ARL6IP4: variants seen among roughly 807,000 people sequenced by gnomAD.
The protein encoded by ARL6IP4 is ARF like GTPase 6 interacting protein 4.
Under a neutral mutation model 28.1 loss-of-function variants are expected in ARL6IP4, and 24 were observed. The ratio of observed to expected loss-of-function variants is 0.86; its 90% CI spans 0.62 to 1.20. The LOEUF is 1.20. Ranked by LOEUF, ARL6IP4 falls within the 50% of genes most tolerant of loss-of-function variation. The pLI is 0.00. For synonymous variants in ARL6IP4, 162 were observed against 122.3 expected, an observed-to-expected ratio of 1.32 and a Z score of -2.14; for missense variants, 343 against 302.4, an observed-to-expected ratio of 1.13 and a Z score of -1.00.
chr12:122,981,011 C>T, intron 1 of ARL6IP4, 118 bp from the exon 2 acceptor site: 2 of 1,409,832 alleles, frequency 1.4e-6, no homozygotes, highest in Non-Finnish European at 1.8e-6. Flanking sequence ...GCTCATTTTC[C>T]CGGGACGGTG....
rs1057011374 is a variant in ARL6IP4, at chr12:122,981,943, G to A, written c.470-14G>A. On this transcript the variant is annotated splice_polypyrimidine_tract_variant and intron_variant, in intron 3 of 5. Coordinates refer to ENST00000315580, the MANE Select transcript of ARL6IP4 (RefSeq NM_018694.4). ...TTCCCAAGGCCTGGCCACCACCTCC[G>A]TCTTCCCTTCCAGTCCTGACGGATG... 11 of 1,613,534 alleles carry A rather than the reference G, an allele frequency of 6.8e-6. No individual in the cohort carries two copies. Among genetic ancestry groups the A allele is most frequent in the South Asian group, 6.6e-5 (6 of 91,090 alleles).
rs1452940731 is a variant in ARL6IP4, at chr12:122,981,760, AGAGGAAGAAGCT to A, written c.353_364del (p.Arg118_Leu121del). The A allele has an allele frequency of 6.4e-7, 1 of 1,562,154 alleles. No individual in the cohort carries two copies. The highest frequency in any genetic ancestry group is 8.7e-7 in the Non-Finnish European group (1 of 1,153,156). ...GACAAGAGGAGGAAGAAGAAGAAGA[AGAGGAAGAAGCT>A]GAAGAAGAAGGGCAAGGAGAAGGCG... On this transcript the variant is annotated inframe_deletion, in exon 3 of 6. Transcript: ENST00000315580.
chr12:122,981,052 C>G lies in ARL6IP4; in HGVS notation c.-11-77C>G. ...TACTGGGCGTCGCCAGGCCCCGGCC[C>G]CGCTAGAGCCACCCTTGGAGCCCGC... is the stretch of plus-strand genomic sequence containing the variant. On this transcript the variant is annotated intron_variant, in intron 1 of 5. Coordinates refer to ENST00000315580, the MANE Select transcript of ARL6IP4 (RefSeq NM_018694.4). 7 of 1,458,526 alleles carry G rather than the reference C, an allele frequency of 4.8e-6. No individual in the cohort carries two copies. In the South Asian group the frequency reaches 8.4e-5, roughly 18 times the overall value. 90.3% of individuals were successfully genotyped at this position (1,458,526 alleles called of 1,614,324 possible). A position where few individuals can be genotyped will look rare whatever the true frequency, so the allele number is the denominator to read the frequency against.
In ARL6IP4 at chr12:122,981,843, T is replaced by A. The variant is rs1400700807; in HGVS notation, c.433T>A (p.Trp145Arg). 1 of 1,610,508 alleles carries A rather than the reference T, an allele frequency of 6.2e-7. No homozygotes were observed. Among genetic ancestry groups the A allele is most frequent in the East Asian group, 2.2e-5 (1 of 44,776 alleles). The change falls in exon 3 of 6, where the codon TGG becomes AGG. Residue 145 changes from tryptophan to arginine, a missense_variant. Physicochemically the swap from Trp to Arg is moderately radical, Grantham distance 101. Transcript: ENST00000315580. ...TCTGCCGGGCCCCTCGCTGGACCAG[T>A]GGCACCGATCAGCTGGGGAGGAAGA... ...EALPGPSLDQ[W>R]HRSAGEEEDG... is the part of the protein sequence containing the mutation.
chr12:122,981,299 G>A lies in ARL6IP4; in HGVS notation c.160G>A (p.Ala54Thr), dbSNP rs1412777983. ...RKASTAPGAEASPSPCITERS... is the reference protein window; with the variant it reads ...RKASTAPGAETSPSPCITERS... ...GGCCAGCACGGCCCCTGGGGCGGAGGGTGAGGACCACAGGCATCGGGGAGA... is the reference window on the plus strand; with the variant it reads ...GGCCAGCACGGCCCCTGGGGCGGAGAGTGAGGACCACAGGCATCGGGGAGA... Residue 54 changes from alanine to threonine, a missense_variant and splice_region_variant, in exon 2 of 6, where the codon GCC (alanine) becomes ACC (threonine). Physicochemically the swap from Ala to Thr is moderately conservative, Grantham distance 58. Transcript: ENST00000315580. 1.3e-6 allele frequency: 2 copies of A among 1,546,232 alleles called. No homozygotes were observed. Among genetic ancestry groups the A allele is most frequent in the East Asian group, 2.5e-5 (1 of 40,628 alleles).
At chr12:122,982,163 G>A (rs1389708773) in intron 4 of ARL6IP4, 89 bp downstream of exon 4, 2 of 1,476,258 alleles carry the variant, frequency 1.4e-6, no homozygotes, top group East Asian at 4.5e-5. Flanking sequence ...GCCGGGCGGG[G>A]TTCCTGGTGC....
chr12:122,980,416 A>T, upstream of ARL6IP4: 1 of 1,365,284 alleles, frequency 7.3e-7, no homozygotes, highest in Non-Finnish European at 9.4e-7. Context: ...GCCGGGGAGG[A>T]GGGCGGCGCG....
chr12:122,981,165 G>C lies in ARL6IP4; in HGVS notation c.26G>C (p.Arg9Pro), dbSNP rs1433823769. Reference protein sequence around the residue: MAHVGSRKRSRSRSRSRGR... With the variant: MAHVGSRKPSRSRSRSRGR... The stretch of plus-strand genomic sequence containing the variant: ...ATGGCTCACGTCGGCTCCCGCAAGC[G>C]CTCGAGGAGTCGCAGCCGGTCCCGG... The change falls in exon 2 of 6, where the codon CGC becomes CCC. Residue 9 changes from arginine to proline, a missense_variant. Physicochemically the swap from Arg to Pro is moderately radical, Grantham distance 103. Coordinates refer to ENST00000315580, the MANE Select transcript of ARL6IP4 (RefSeq NM_018694.4). 5.2e-6 allele frequency: 8 copies of C among 1,549,280 alleles called. No individual in the cohort carries two copies. Among genetic ancestry groups the C allele is most frequent in the Non-Finnish European group, 7.0e-6 (8 of 1,146,598 alleles).
intron 2 of ARL6IP4, 59 bp from the exon 3 acceptor site, chr12:122,981,512 G>A: frequency 6.9e-7 from 1 of 1,459,678 alleles, no homozygotes; most frequent in Non-Finnish European, 9.1e-7. Flanking sequence ...GCCGGTCTGT[G>A]CCTGCCCCAG....
chr12:122,982,680 C>A lies in ARL6IP4; in HGVS notation c.*4C>A. On this transcript the variant is annotated 3_prime_UTR_variant, in exon 6 of 6. Coordinates refer to ENST00000315580, the MANE Select transcript of ARL6IP4 (RefSeq NM_018694.4). ...GCGAGCTGGGTTGCTTCCCTGAGGG[C>A]CCCCGCTGGCCAAGGCCTGTGGACG... 1.9e-6 allele frequency: 3 copies of A among 1,613,314 alleles called. No homozygotes were observed. The highest frequency in any genetic ancestry group is 1.3e-5 in the African/African-American group (1 of 75,050).
intron 2 of ARL6IP4, 121 bp from the exon 3 acceptor site, chr12:122,981,450 G>T: frequency 7.2e-7 from 1 of 1,389,360 alleles, no homozygotes. Flanking sequence ...GGGCTCCTCT[G>T]GGAAGCTCCA....
Position 122,982,174 on chromosome 12 carries a change from C to T in ARL6IP4, c.587+100C>T, listed in dbSNP as rs1435140784. ...TGGGGCCGGGCGGGGTTCCTGGTGCCTGAAAAAGGCCAAATGTGGGCAAAA... is the reference window on the plus strand; with the variant it reads ...TGGGGCCGGGCGGGGTTCCTGGTGCTTGAAAAAGGCCAAATGTGGGCAAAA... On this transcript the variant is annotated intron_variant, in intron 4 of 5. Transcript: ENST00000315580. 5 of 1,358,420 alleles carry T rather than the reference C, an allele frequency of 3.7e-6. No homozygotes were observed. In the East Asian group the frequency reaches 6.9e-5, roughly 19 times the overall value. 84.1% of individuals were successfully genotyped at this position (1,358,420 alleles called of 1,614,324 possible). A position where few individuals can be genotyped will look rare whatever the true frequency, so the allele number is the denominator to read the frequency against.
chr12:122,980,388 A>C (rs2037588288), upstream of ARL6IP4: 6 of 1,344,572 alleles, frequency 4.5e-6, no homozygotes, highest in Non-Finnish European at 4.8e-6. Flanking sequence ...TCGCAGTCGT[A>C]TGGAGAGGGC....
Position 122,981,112 on chromosome 12 carries a change from G to C in ARL6IP4, c.-11-17G>C, listed in dbSNP as rs1359787735. The C allele has an allele frequency of 1.9e-6, 3 of 1,546,232 alleles. No homozygotes were observed. Among genetic ancestry groups the C allele is most frequent in the Non-Finnish European group, 2.6e-6 (3 of 1,145,282 alleles). The stretch of plus-strand genomic sequence containing the variant: ...GCCTTGGGGGCTTCGGCTCAAGCGC[G>C]TCTTCTTCGTCGCCAGCCCGCGGCG... On this transcript the variant is annotated splice_polypyrimidine_tract_variant and intron_variant, in intron 1 of 5. Coordinates refer to ENST00000315580, the MANE Select transcript of ARL6IP4 (RefSeq NM_018694.4).
At chr12:122,982,378 G>A in intron 4 of ARL6IP4, 91 bp from the exon 5 acceptor site, 1 of 1,297,274 alleles carries the variant, frequency 7.7e-7, no homozygotes, top group Non-Finnish European at 1.1e-6. Context: ...TGGGAGCCCT[G>A]GGACCCCTCT....
chr12:122,980,770 C>T (rs1002217306), intron 1 of ARL6IP4, 25 bp downstream of exon 1: 4 of 1,305,708 alleles, frequency 3.1e-6, no homozygotes, highest in Non-Finnish European at 3.9e-6. Flanking sequence ...GCCCCGGGGG[C>T]CCCCTTGAGG....
chr12:122,981,502 G>A (rs1041066047), intron 2 of ARL6IP4, 69 bp from the exon 3 acceptor site: 3 of 1,441,788 alleles, frequency 2.1e-6, no homozygotes, highest in Non-Finnish European at 1.8e-6. Context: ...TCACCCTGTA[G>A]CCGGTCTGTG....
In ARL6IP4 at chr12:122,981,249, C is replaced by T. The variant is rs1458355965; in HGVS notation, c.110C>T (p.Ser37Leu). The change falls in exon 2 of 6, where the codon TCG (serine) becomes TTG (leucine). Residue 37 changes from serine (S) to leucine (L), a missense_variant. Ser to Leu is a moderately radical substitution (Grantham distance 145, BLOSUM62 -2). Transcript: ENST00000315580. Reference protein sequence around the residue: ...KSRKDTSRNCSASTSQGRKAS... With the variant: ...KSRKDTSRNCLASTSQGRKAS... ...AGGAAAGACACCTCGAGGAACTGCT[C>T]GGCCTCCACATCCCAAGGTCGCAAG... The T allele has an allele frequency of 1.8e-5, 28 of 1,549,942 alleles. No individual in the cohort carries two copies. Among genetic ancestry groups the T allele is most frequent in the Non-Finnish European group, 2.6e-6 (3 of 1,146,616 alleles).
In ARL6IP4 at chr12:122,981,146, C is replaced by T. The variant is rs534814001; in HGVS notation, c.7C>T (p.His3Tyr). The T allele has an allele frequency of 1.3e-6, 2 of 1,548,936 alleles. No individual in the cohort carries two copies. The highest frequency in any genetic ancestry group is 1.7e-6 in the Non-Finnish European group (2 of 1,146,410). The change falls in exon 2 of 6, where the codon CAC (histidine) becomes TAC (tyrosine). Residue 3 changes from histidine (H) to tyrosine (Y), a missense_variant. Coordinates refer to ENST00000315580, the MANE Select transcript of ARL6IP4 (RefSeq NM_018694.4). The part of the protein sequence containing the change: MA[H>Y]VGSRKRSRSR... ...GTCGCCAGCCCGCGGCGCCATGGCT[C>T]ACGTCGGCTCCCGCAAGCGCTCGAG... is the stretch of plus-strand genomic sequence containing the variant.
Sources: gnomAD v4.1 joint callset for allele counts on GRCh38, gnomAD v4.1.1 for gene constraint, MANE v1.5 for transcripts, NCBI Gene and HGNC (gene_info 2026-07-23, HGNC 2026-07-21) for gene names.